The following KAT6B variants were observed in gnomAD, a reference collection of about 807,000 sequenced individuals.
KAT6B encodes lysine acetyltransferase 6B, also known as histone acetyltransferase KAT6B.
A neutral mutation model predicts 187.5 loss-of-function variants in KAT6B; 10 were observed. The observed-to-expected ratio is 0.05, with a 90% CI of 0.03 to 0.09. KAT6B has a LOEUF of 0.09. Among genes scored for constraint, KAT6B ranks in the 10% least tolerant of loss-of-function variants. The pLI is 1.00. For missense variants in KAT6B, 1,952 were observed against 2,558.9 expected, an observed-to-expected ratio of 0.76 and a Z score of 5.12; for synonymous variants, 861 against 926.8, an observed-to-expected ratio of 0.93 and a Z score of 1.29.
chr10:74,919,754 A>G (rs1847977970), intron 3 of KAT6B, among the ~76,000 whole-genome samples: 1 of 152,150 alleles, frequency 6.6e-6, no homozygotes, highest in African/African-American at 2.4e-5. Context: ...AACATATGTT[A>G]AAATTTCTCA....
chr10:74,983,223 A>G (rs1239321846), intron 11 of KAT6B: 1 of 152,398 alleles, frequency 6.6e-6, no homozygotes, highest in South Asian at 2.1e-4. Context: ...GCTATGCTAT[A>G]CAGCGTAGGA....
In KAT6B at chr10:75,030,704, G is replaced by T. The variant is rs200498444; in HGVS notation, c.5880G>T (p.Thr1960=). The T allele has an allele frequency of 6.2e-7, 1 of 1,614,210 alleles. No homozygotes were observed. The highest frequency in any genetic ancestry group is 2.2e-5 in the East Asian group (1 of 44,884). ...TGCAGGGTCCTGCACGGACTTTAAC[G>T]ATGCAAAGAGGCATGAACATGAGTG... is the stretch of plus-strand genomic sequence containing the variant. ...VAMQGPARTL[T]MQRGMNMSVN... The change falls in exon 18 of 18, where the codon ACG becomes ACT. Residue 1960 remains threonine, a synonymous_variant. Transcript: ENST00000287239. This position sits in a 1 kb window ranked among gnomAD's most constrained non-coding sequence, Gnocchi z 4.8.
intron 2 of KAT6B, among the ~76,000 whole-genome samples, chr10:74,839,557 G>A (rs1445737653): frequency 2.6e-5 from 4 of 152,124 alleles, no homozygotes; most frequent in South Asian, 2.1e-4. Context: ...ATGTACGTTC[G>A]TTTGCTTGTG....
In KAT6B at chr10:74,975,565, A is replaced by G. The variant is rs1363245674; in HGVS notation, c.1228A>G (p.Thr410Ala). The G allele has an allele frequency of 6.2e-7, 1 of 1,613,934 alleles. No homozygotes were observed. Among genetic ancestry groups the G allele is most frequent in the East Asian group, 2.2e-5 (1 of 44,884 alleles). ...TACAGACCCCACTCGGCCTGGTGCC[A>G]CCACCAAAATCACCACCACCTCCAC... Reference protein sequence around the residue: ...AVTDPTRPGATTKITTTSTYI... With the variant: ...AVTDPTRPGAATKITTTSTYI... The change falls in exon 8 of 18, where the codon ACC becomes GCC. Residue 410 changes from threonine (T) to alanine (A), a missense_variant. By Grantham distance (58) the Thr-to-Ala change is moderately conservative (BLOSUM62 0). This residue lies in a region of KAT6B where 417 missense variants were observed against 508.9 expected (regional missense o/e 0.82). Coordinates refer to ENST00000287239, the MANE Select transcript of KAT6B (RefSeq NM_012330.4).
chr10:75,026,762 A>G (rs778521814), intron 17 of KAT6B, among the ~76,000 whole-genome samples: 1 of 152,124 alleles, frequency 6.6e-6, no homozygotes, highest in Non-Finnish European at 1.5e-5. Flanking sequence ...TTTCTTAAAA[A>G]TAATTGTCAG....
intron 3 of KAT6B, among the ~76,000 whole-genome samples, chr10:74,888,626 A>T (rs1469283494): frequency 1.3e-5 from 2 of 152,220 alleles, no homozygotes; most frequent in East Asian, 3.8e-4. Context: ...TATTCTGAGC[A>T]TATAAATTGT....
intron 13 of KAT6B, among the ~76,000 whole-genome samples, chr10:74,994,339 C>T (rs1843287228): frequency 6.6e-6 from 1 of 152,144 alleles, no homozygotes; most frequent in Non-Finnish European, 1.5e-5. Flanking sequence ...GTTCTTGTGC[C>T]TTTTCCACAT....
chr10:74,928,116 C>T (rs1848629573), intron 3 of KAT6B, among the ~76,000 whole-genome samples: 1 of 152,176 alleles, frequency 6.6e-6, no homozygotes, highest in Non-Finnish European at 1.5e-5. Flanking sequence ...TGTAATATAA[C>T]ATTTTTTACT....
intron 12 of KAT6B, among the ~76,000 whole-genome samples, chr10:74,988,606 GTAGATTAT>G (rs1403580837): frequency 2.0e-5 from 3 of 152,212 alleles, no homozygotes; most frequent in Non-Finnish European, 4.4e-5. Context: ...TTGCAGAGTT[GTAGATTAT>G]TATTATATTT....
intron 2 of KAT6B, among the ~76,000 whole-genome samples, chr10:74,840,254 T>C (rs533384154): frequency 6.6e-6 from 1 of 152,316 alleles, no homozygotes; most frequent in South Asian, 2.1e-4. Context: ...GCCAAACTAG[T>C]GAGCAACCAA....
At chr10:74,896,669 C>T (rs1284154404) in intron 3 of KAT6B, among the ~76,000 whole-genome samples, 2 of 152,190 alleles carry the variant, frequency 1.3e-5, no homozygotes, top group Non-Finnish European at 2.9e-5. Flanking sequence ...AACTTTTTAC[C>T]AATTGTGCTT....
chr10:75,029,024 A>G lies in KAT6B; in HGVS notation c.4200A>G (p.Glu1400=). The change falls in exon 18 of 18, where the codon GAA becomes GAG. Residue 1400 remains glutamate (E), a synonymous_variant. Coordinates refer to ENST00000287239, the MANE Select transcript of KAT6B (RefSeq NM_012330.4). This position sits in a 1 kb window ranked among gnomAD's most constrained non-coding sequence, Gnocchi z 6.2. The stretch of plus-strand genomic sequence containing the variant: ...AACCAGAAATCTCCACGGAAAAAGA[A>G]GACTCTGCACGTTTGGATGATCACG... ...KEEPEISTEK[E]DSARLDDHEE... 6.2e-7 allele frequency: 1 copy of G among 1,614,106 alleles called. No individual in the cohort carries two copies.
intron 3 of KAT6B, among the ~76,000 whole-genome samples, chr10:74,914,980 G>GT (rs1432726450): frequency 2.6e-5 from 4 of 152,058 alleles, no homozygotes; most frequent in African/African-American, 9.7e-5. Flanking sequence ...CACACTTGTA[G>GT]TCCCAGCTAC....
At chr10:74,879,168 C>G (rs1367185906) in intron 3 of KAT6B, among the ~76,000 whole-genome samples, 1 of 152,168 alleles carries the variant, frequency 6.6e-6, no homozygotes, top group Admixed American at 6.5e-5. Context: ...ATCAGTCACT[C>G]TACACATTAT....
chr10:74,846,450 T>G lies in KAT6B; in HGVS notation c.621+2972T>G, dbSNP rs188303548. Among the ~76,000 whole-genome samples the G allele has an allele frequency of 2.1e-4, 32 of 151,962 alleles. 1 individual carries two copies. Among genetic ancestry groups the G allele is most frequent in the African/African-American group, 6.8e-4 (28 of 41,460 alleles). ...TATATATTTTTGTTTTGTTTTTTTG[T>G]TTTTTTTGAGATGGAGTCTTGCTCT... On this transcript the variant is annotated intron_variant, in intron 3 of 17. Coordinates refer to ENST00000287239, the MANE Select transcript of KAT6B (RefSeq NM_012330.4).
chr10:74,940,671 T>C (rs1849607948), intron 3 of KAT6B, among the ~76,000 whole-genome samples: 1 of 151,914 alleles, frequency 6.6e-6, no homozygotes, highest in Non-Finnish European at 1.5e-5. Context: ...ACTTCAAAAT[T>C]CTGGGCTTCA....
At chr10:74,840,765 G>C (rs1478671773) in intron 2 of KAT6B, among the ~76,000 whole-genome samples, 3 of 152,076 alleles carry the variant, frequency 2.0e-5, no homozygotes, top group Non-Finnish European at 4.4e-5. Context: ...GGACAATCTT[G>C]TTTAAATTGC....
At position 75,029,551 on chromosome 10, in the gene KAT6B, C is replaced by G. The variant is rs368252918; in HGVS notation, c.4727C>G (p.Thr1576Ser). The change falls in exon 18 of 18, where the codon ACC becomes AGC. Residue 1576 changes from threonine to serine, a missense_variant. Thr to Ser is a moderately conservative substitution (Grantham distance 58). This residue lies in a region of KAT6B where 758 missense variants were observed against 891.4 expected (regional missense o/e 0.85). Transcript: ENST00000287239. This position sits in a 1 kb window ranked among gnomAD's most constrained non-coding sequence, Gnocchi z 6.2. ...QEACRSLQNYTRADQSPQIAT... is the reference protein window; with the variant it reads ...QEACRSLQNYSRADQSPQIAT... ...GCCTGTAGAAGCCTACAGAACTACA[C>G]CCGTGCAGACCAAAGTCCACAGATT... The G allele has an allele frequency of 1.9e-6, 3 of 1,614,022 alleles. No individual in the cohort carries two copies. The highest frequency in any genetic ancestry group is 2.5e-6 in the Non-Finnish European group (3 of 1,180,032).
At chr10:74,892,243 C>T (rs527799995) in intron 3 of KAT6B, among the ~76,000 whole-genome samples, 1 of 152,294 alleles carries the variant, frequency 6.6e-6, no homozygotes, top group East Asian at 1.9e-4. Context: ...TGGTGTGCAC[C>T]TGTAGTCCCA....
Sources: allele counts gnomAD v4.1 joint callset (sites outside exome capture counted in the v4.1 genomes callset), GRCh38; gene constraint gnomAD v4.1.1; regional missense constraint gnomAD v4.1.1; non-coding constraint Gnocchi (gnomAD v3.1); transcripts MANE v1.5; gene names NCBI Gene and HGNC (gene_info 2026-07-23, HGNC 2026-07-21).